GNB1L: variants seen among roughly 807,000 people sequenced by gnomAD.
GNB1L encodes guanine nucleotide-binding protein subunit beta-like protein 1.
GNB1L carries 20 observed loss-of-function variants against 29.1 expected under a neutral mutation model. The observed-to-expected ratio is 0.69, with a 90% CI of 0.48 to 1.00. GNB1L has a LOEUF of 1.00. Among genes scored for constraint, GNB1L ranks in the 50% least tolerant of loss-of-function variants. GNB1L has a pLI of 0.00. For synonymous variants in GNB1L, 193 were observed against 206.5 expected (o/e 0.93, Z 0.56); for missense variants, 421 against 464.9 (o/e 0.91, Z 0.87).
In GNB1L at chr22:19,816,655, C is replaced by T. The variant is rs1937526350; in HGVS notation, c.254+3943G>A. ...ACCTCATACACACCTCACATACATACACACCACACAGGCACCTCACACATA... is the reference window on the plus strand; with the variant it reads ...ACCTCATACACACCTCACATACATATACACCACACAGGCACCTCACACATA... On this transcript the variant is annotated intron_variant, in intron 4 of 7. Transcript: ENST00000329517. This position sits in a 1 kb window ranked among gnomAD's most constrained non-coding sequence, Gnocchi z 4.4. Among the ~76,000 whole-genome samples the T allele has an allele frequency of 6.6e-6, 1 of 152,116 alleles. No homozygotes were observed. Among genetic ancestry groups the T allele is most frequent in the Non-Finnish European group, 1.5e-5 (1 of 68,008 alleles).
At chr22:19,819,541 C>T (rs778245276) in intron 4 of GNB1L, among the ~76,000 whole-genome samples, 1 of 152,156 alleles carries the variant, frequency 6.6e-6, no homozygotes, top group Admixed American at 6.5e-5. Context: ...GGCACCTGGC[C>T]AGACAGCACA....
At position 19,850,750 on chromosome 22, in the gene GNB1L, C is replaced by T. The variant is rs377136108; in HGVS notation, c.-21+3693G>A. 9.7e-6 allele frequency: 12 copies of T among 1,242,236 alleles called. No homozygotes were observed. In the East Asian group the frequency reaches 3.1e-4, roughly 32 times the overall value. The allele number at this position is 1,242,236 out of a possible 1,614,324, so 77.0% of individuals were successfully genotyped here. The stretch of plus-strand genomic sequence containing the variant: ...CAGAAACCCCATACAGGAACGAGGT[C>T]CCAACAGGGCAGACGTGGCAGACCC... On this transcript the variant is annotated intron_variant, in intron 2 of 7. Transcript: ENST00000329517.
chr22:19,818,746 G>A (rs1451934694), intron 4 of GNB1L, among the ~76,000 whole-genome samples: 1 of 152,192 alleles, frequency 6.6e-6, no homozygotes, highest in Non-Finnish European at 1.5e-5. Context: ...GGAGTTCCCT[G>A]AATATGACGC....
At chr22:19,848,219 C>G in intron 2 of GNB1L, 1 of 985,294 alleles carries the variant, frequency 1.0e-6, no homozygotes, top group Non-Finnish European at 1.2e-6. Flanking sequence ...AATAAAATCT[C>G]TGGGTATTTC....
Position 19,815,923 on chromosome 22 carries a change from C to T in GNB1L, c.255-3476G>A, listed in dbSNP as rs547869290. Among the ~76,000 whole-genome samples, 6 of 152,316 alleles carry T rather than the reference C, an allele frequency of 3.9e-5. No individual in the cohort carries two copies. The East Asian group carries it at 5.8e-4, about 15-fold the overall frequency. On this transcript the variant is annotated intron_variant, in intron 4 of 7. Coordinates refer to ENST00000329517, the MANE Select transcript of GNB1L (RefSeq NM_053004.3). Reference sequence around the variant, plus strand: ...TGAACTCACAGGACAGTTGTGAGAACGGCACGAAGACCCCGTATGCCTCCT... The same window carrying T: ...TGAACTCACAGGACAGTTGTGAGAATGGCACGAAGACCCCGTATGCCTCCT...
intron 7 of GNB1L, among the ~76,000 whole-genome samples, chr22:19,794,912 C>T (rs1298645214): frequency 6.6e-6 from 1 of 151,908 alleles, no homozygotes; most frequent in Non-Finnish European, 1.5e-5. Context: ...ACCTGGGAGG[C>T]GGAGGTTGCA....
At chr22:19,813,860 G>A (rs1031347882) in intron 4 of GNB1L, among the ~76,000 whole-genome samples, 1 of 152,158 alleles carries the variant, frequency 6.6e-6, no homozygotes, top group Non-Finnish European at 1.5e-5. Flanking sequence ...GCCAGGCATG[G>A]TGGTGCGTGC....
intron 2 of GNB1L, among the ~76,000 whole-genome samples, chr22:19,823,044 C>T (rs564210865): frequency 1.7e-3 from 265 of 152,270 alleles, no homozygotes; most frequent in Middle Eastern, 0.01. Flanking sequence ...TGGGAGGGGC[C>T]GGGCAGTGAC....
At chr22:19,811,199 T>C (rs1937496137) in intron 5 of GNB1L, among the ~76,000 whole-genome samples, 1 of 152,180 alleles carries the variant, frequency 6.6e-6, no homozygotes, top group Non-Finnish European at 1.5e-5. Context: ...CCTGTTCCTA[T>C]CTCATTATTT....
chr22:19,810,535 C>A (rs1937487180), intron 5 of GNB1L, among the ~76,000 whole-genome samples: 1 of 152,140 alleles, frequency 6.6e-6, no homozygotes, highest in Non-Finnish European at 1.5e-5. Context: ...GAGGTACACA[C>A]CACGTCTACC....
chr22:19,806,353 T>A (rs1031429865), intron 6 of GNB1L, among the ~76,000 whole-genome samples: 2 of 152,198 alleles, frequency 1.3e-5, no homozygotes, highest in Non-Finnish European at 2.9e-5. Context: ...CACTGTCCCC[T>A]CCTCACCGCT....
intron 2 of GNB1L, chr22:19,846,940 T>A: frequency 1.0e-6 from 1 of 985,410 alleles, no homozygotes; most frequent in East Asian, 1.1e-4. Flanking sequence ...CTGGGATGGA[T>A]GCAGGCCCCT....
intron 2 of GNB1L, among the ~76,000 whole-genome samples, chr22:19,833,889 TAATATA>T (rs895295782): frequency 1.6e-4 from 24 of 149,500 alleles, no homozygotes; most frequent in Middle Eastern, 3.5e-3. Flanking sequence ...ATAATAATAA[TAATATA>T]AATATAAATA....
At chr22:19,800,353 A>C (rs909517118) in intron 7 of GNB1L, among the ~76,000 whole-genome samples, 2 of 152,188 alleles carry the variant, frequency 1.3e-5, no homozygotes, top group African/African-American at 4.8e-5. Context: ...CTCTCAGGGA[A>C]GCTGTCTGGG....
chr22:19,793,854 A>AT (rs1443291137), intron 7 of GNB1L, among the ~76,000 whole-genome samples: 1 of 152,178 alleles, frequency 6.6e-6, no homozygotes, highest in Non-Finnish European at 1.5e-5. Context: ...AAGCTAGAGA[A>AT]TTTTTTGCCA....
intron 2 of GNB1L, among the ~76,000 whole-genome samples, chr22:19,843,291 G>A (rs766916680): frequency 3.9e-5 from 6 of 152,228 alleles, no homozygotes; most frequent in African/African-American, 1.2e-4. Flanking sequence ...CCCGACTGGC[G>A]ACCTTCGATT....
At chr22:19,821,677 C>G (rs1421913040) in intron 2 of GNB1L, among the ~76,000 whole-genome samples, 1 of 152,222 alleles carries the variant, frequency 6.6e-6, no homozygotes, top group Non-Finnish European at 1.5e-5. Flanking sequence ...CTGTTGGCCT[C>G]TGCACCTGAC....
chr22:19,811,128 T>C (rs1288049672), intron 5 of GNB1L, among the ~76,000 whole-genome samples: 1 of 152,216 alleles, frequency 6.6e-6, no homozygotes, highest in African/African-American at 2.4e-5. Flanking sequence ...TTTTGGCAGA[T>C]TGGCAAGAAA....
intron 6 of GNB1L, among the ~76,000 whole-genome samples, chr22:19,804,797 A>G (rs1431132715): frequency 1.3e-5 from 2 of 152,226 alleles, no homozygotes; most frequent in Non-Finnish European, 2.9e-5. Flanking sequence ...TCTGTCAACT[A>G]CATTAATTAC....
Sources: allele counts gnomAD v4.1 joint callset (sites outside exome capture counted in the v4.1 genomes callset), GRCh38; gene constraint gnomAD v4.1.1; non-coding constraint Gnocchi (gnomAD v3.1); transcripts MANE v1.5; gene names NCBI Gene and HGNC (gene_info 2026-07-23, HGNC 2026-07-21).